Variants in CDH13 observed in about 807,000 individuals in gnomAD.
CDH13 encodes the protein cadherin-13.
Under a neutral mutation model 63.8 loss-of-function variants are expected in CDH13, and 24 were observed. That is an observed-to-expected ratio of 0.38 (90% CI 0.27 to 0.53). The LOEUF is 0.53. Ranked by LOEUF, CDH13 falls within the 20% of genes least tolerant of loss-of-function variation. CDH13 has a pLI of 0.85. For synonymous variants in CDH13, 503 were observed against 355.3 expected (o/e 1.42, Z -4.67); for missense variants, 1,049 against 903.1 (o/e 1.16, Z -2.07).
intron 5 of CDH13, among the ~76,000 whole-genome samples, chr16:83,257,077 G>A (rs1282242209): frequency 6.6e-6 from 1 of 152,008 alleles, no homozygotes; most frequent in African/African-American, 2.4e-5. Context: ...GATTTTGAAG[G>A]AACCATACAG....
intron 1 of CDH13, among the ~76,000 whole-genome samples, chr16:82,795,784 C>T (rs1234053018): frequency 6.6e-6 from 1 of 152,096 alleles, no homozygotes; most frequent in Non-Finnish European, 1.5e-5. Flanking sequence ...TGCAGTGACC[C>T]TTCTTTGCCA....
chr16:82,855,424 C>G (rs1382176794), intron 1 of CDH13, among the ~76,000 whole-genome samples: 1 of 152,210 alleles, frequency 6.6e-6, no homozygotes, highest in Non-Finnish European at 1.5e-5. Context: ...GGTCTGGGAG[C>G]TGAGAGCAGA....
chr16:82,903,341 C>A (rs1037116845), intron 2 of CDH13, among the ~76,000 whole-genome samples: 34 of 152,210 alleles, frequency 2.2e-4, no homozygotes, highest in Non-Finnish European at 4.4e-4. Context: ...CTACCTGCAC[C>A]TGTCCTCTTT....
chr16:83,794,297 AC>A, intron 13 of CDH13, among the ~76,000 whole-genome samples: 1 of 152,290 alleles, frequency 6.6e-6, no homozygotes, highest in East Asian at 1.9e-4. Flanking sequence ...TGAGCCTATA[AC>A]CCCCAGCACT....
chr16:83,228,971 G>A (rs915014760), intron 5 of CDH13, among the ~76,000 whole-genome samples: 14 of 152,260 alleles, frequency 9.2e-5, no homozygotes, highest in Admixed American at 5.2e-4. Flanking sequence ...AAGAAGACCT[G>A]GGTAGTGAAT....
chr16:83,151,744 C>T (rs1403835962), intron 4 of CDH13, among the ~76,000 whole-genome samples: 1 of 152,166 alleles, frequency 6.6e-6, no homozygotes, highest in African/African-American at 2.4e-5. Context: ...GCGAGCAGAT[C>T]ACCTGAGGTC....
At chr16:83,494,829 T>C (rs2074098495) in intron 7 of CDH13, among the ~76,000 whole-genome samples, 1 of 152,208 alleles carries the variant, frequency 6.6e-6, no homozygotes, top group South Asian at 2.1e-4. Context: ...TGCCTTTTCA[T>C]AGGATAAAAG....
intron 2 of CDH13, chr16:82,859,821 T>C (rs140674808): frequency 6.6e-6 from 1 of 151,966 alleles, no homozygotes; most frequent in African/African-American, 2.4e-5. Flanking sequence ...ATAATGAAGA[T>C]GCACTGTTGA....
intron 2 of CDH13, among the ~76,000 whole-genome samples, chr16:82,862,613 A>C (rs1470510391): frequency 2.0e-5 from 3 of 152,170 alleles, no homozygotes; most frequent in South Asian, 2.1e-4. Flanking sequence ...TAGGCCACCC[A>C]CATGCAAACA....
At chr16:83,794,180 G>C (rs906776711) in intron 13 of CDH13, among the ~76,000 whole-genome samples, 3 of 152,178 alleles carry the variant, frequency 2.0e-5, no homozygotes, top group African/African-American at 7.2e-5. Flanking sequence ...CTGACTTCCA[G>C]AACTGTAAGA....
intron 6 of CDH13, among the ~76,000 whole-genome samples, chr16:83,446,411 G>C (rs1057432502): frequency 1.3e-5 from 2 of 152,078 alleles, no homozygotes; most frequent in African/African-American, 4.8e-5. Context: ...TTTTAAAAAA[G>C]GAAGTTGCTT....
intron 7 of CDH13, among the ~76,000 whole-genome samples, chr16:83,517,730 A>G (rs571980292): frequency 7.2e-5 from 11 of 152,292 alleles, no homozygotes; most frequent in Admixed American, 5.9e-4. Context: ...ATGCTAAAGG[A>G]GAGAAAGAAT....
At chr16:82,915,478 T>C (rs940589181) in intron 2 of CDH13, among the ~76,000 whole-genome samples, 8 of 152,170 alleles carry the variant, frequency 5.3e-5, no homozygotes, top group Admixed American at 3.3e-4. Context: ...TACAAACTTA[T>C]CAAAGTGATA....
chr16:82,732,170 G>T (rs558781527), intron 1 of CDH13, among the ~76,000 whole-genome samples: 1 of 152,118 alleles, frequency 6.6e-6, no homozygotes, highest in Non-Finnish European at 1.5e-5. Context: ...AAGACTGCAC[G>T]CTTCCCCAGG....
rs1225120937 is a variant in CDH13 at position 82,713,043 on chromosome 16, C to CGT, written c.45+85918_45+85919dup. Among the ~76,000 whole-genome samples, 5 of 90,370 alleles carry CGT rather than the reference C, an allele frequency of 5.5e-5. No homozygotes were observed. The East Asian group carries it at 1.3e-3, about 24-fold the overall frequency. The allele number at this position is 90,370 out of a possible 152,430, so 59.3% of individuals were successfully genotyped here. ...GCTTATGGAGTGAATAGAACCCCGG[C>CGT]GTGTGTGTGTGTGGTGTGTGTGTGT... On this transcript the variant is annotated intron_variant, in intron 1 of 13. Transcript: ENST00000567109.
chr16:83,527,051 A>G (rs2074978044), intron 7 of CDH13, among the ~76,000 whole-genome samples: 1 of 151,744 alleles, frequency 6.6e-6, no homozygotes, highest in Admixed American at 6.6e-5. Context: ...AGATCACTTG[A>G]ACCCATGAGG....
At chr16:83,683,439 T>A (rs1353845551) in intron 10 of CDH13, among the ~76,000 whole-genome samples, 1 of 152,216 alleles carries the variant, frequency 6.6e-6, no homozygotes, top group South Asian at 2.1e-4. Flanking sequence ...ATCACGTATG[T>A]GAGTATTCTG....
At chr16:83,224,148 G>A (rs9925490) in intron 5 of CDH13, among the ~76,000 whole-genome samples, 149,198 of 152,292 alleles carry the variant, frequency 0.98, 73,142 homozygotes, top group East Asian at 1. Context: ...TCCCATCCAG[G>A]TTGTTGCAAA....
chr16:82,849,274 C>T (rs2039387124), intron 1 of CDH13, among the ~76,000 whole-genome samples: 1 of 152,090 alleles, frequency 6.6e-6, no homozygotes, highest in African/African-American at 2.4e-5. Context: ...GAGACCAAAG[C>T]AGGTGGATCA....
Sources: gnomAD v4.1 joint callset for allele counts (sites outside exome capture counted in the v4.1 genomes callset) on GRCh38, gnomAD v4.1.1 for gene constraint, MANE v1.5 for transcripts, NCBI Gene and HGNC (gene_info 2026-07-23, HGNC 2026-07-21) for gene names.